Variants in NCLN observed in about 807,000 individuals in gnomAD.
NCLN encodes nicalin, also known as BOS complex subunit NCLN.
NCLN carries 34 observed loss-of-function variants against 69.5 expected under a neutral mutation model. The observed-to-expected ratio is 0.49, with a 90% CI of 0.37 to 0.65. The LOEUF (loss-of-function observed/expected upper bound fraction) is 0.65. Among genes scored for constraint, NCLN ranks in the 30% least tolerant of loss-of-function variants. The pLI, the probability that NCLN is intolerant of heterozygous loss-of-function variation, is 0.00. For missense variants in NCLN, 710 were observed against 804.8 expected (o/e 0.88, Z 1.42); for synonymous variants, 393 against 358.3 (o/e 1.10, Z -1.09).
chr19:3,187,948 G>A (rs1284891291), intron 1 of NCLN, among the ~76,000 whole-genome samples: 2 of 152,150 alleles, frequency 1.3e-5, no homozygotes, highest in African/African-American at 4.8e-5. Flanking sequence ...TGGCACAGGA[G>A]CCAGCAGCCA....
intron 1 of NCLN, among the ~76,000 whole-genome samples, chr19:3,189,615 C>T (rs763142993): frequency 2.0e-5 from 3 of 152,258 alleles, no homozygotes; most frequent in Non-Finnish European, 4.4e-5. Flanking sequence ...CGGTGCCCTC[C>T]ATGGCGTCCA....
Position 3,201,612 on chromosome 19 carries a change from G to T in NCLN, c.786G>T (p.Lys262Asn). The T allele has an allele frequency of 6.5e-7, 1 of 1,548,566 alleles. No individual in the cohort carries two copies. Residue 262 changes from lysine (K) to asparagine (N), a missense_variant, in exon 6 of 15, where the codon AAG becomes AAT. Lys to Asn is a moderately conservative substitution (Grantham distance 94). Transcript: ENST00000246117. Reference sequence around the variant, plus strand: ...TCTTCTCCCGGCTCTACACCTACAAGCGCACGCACGCCGCGTGAGTGCCGG... The same window carrying T: ...TCTTCTCCCGGCTCTACACCTACAATCGCACGCACGCCGCGTGAGTGCCGG... ...ARLFSRLYTY[K>N]RTHAAYNLLF...
chr19:3,197,645 A>T (rs936854029), intron 4 of NCLN, among the ~76,000 whole-genome samples: 6 of 107,940 alleles, frequency 5.6e-5, no homozygotes, highest in African/African-American at 2.2e-4. Context: ...TTTGAGATGG[A>T]GTTTCGCTCC....
chr19:3,193,514 G>A, intron 3 of NCLN, 86 bp downstream of exon 3: 2 of 1,424,576 alleles, frequency 1.4e-6, no homozygotes, highest in Non-Finnish European at 1.9e-6. Context: ...ACCCTGGGCT[G>A]TTTCTGCTCT....
chr19:3,193,181 A>G, intron 2 of NCLN, 103 bp from the exon 3 acceptor site: 1 of 1,127,798 alleles, frequency 8.9e-7, no homozygotes, highest in East Asian at 2.5e-5. Flanking sequence ...AGGGACAGTC[A>G]CTGGGCCCCC....
rs373476781 is a variant in NCLN, at chr19:3,190,585, G to A, written c.185-1885G>A. ...GCAGGCCCCGGGAAGAGCTGCGTCT[G>A]TGGGGAGATGAGAGAATGAGGGTCC... is the stretch of plus-strand genomic sequence containing the variant. On this transcript the variant is annotated intron_variant, in intron 1 of 14. Transcript: ENST00000246117. Among the ~76,000 whole-genome samples, 8 of 152,322 alleles carry A rather than the reference G, an allele frequency of 5.3e-5. No homozygotes were observed. In the East Asian group the frequency reaches 1.4e-3, roughly 26 times the overall value.
rs774124529 is a variant in NCLN at position 3,207,774 on chromosome 19, C to T, written c.*86C>T. On this transcript the variant is annotated 3_prime_UTR_variant, in exon 15 of 15. Coordinates refer to ENST00000246117, the MANE Select transcript of NCLN (RefSeq NM_020170.4). ...TGAGTGGACACTGCCCCGCCGCGGG[C>T]GGCCCTGCAGGGACAGGGGCCCTCT... The T allele has an allele frequency of 4.1e-4, 521 of 1,267,384 alleles. No individual in the cohort carries two copies. The highest frequency in any genetic ancestry group is 5.7e-4 in the Non-Finnish European group (502 of 875,586). The allele number at this position is 1,267,384 out of a possible 1,614,324, so 78.5% of individuals were successfully genotyped here. A position where few individuals can be genotyped will look rare whatever the true frequency, so the allele number is the denominator to read the frequency against.
At chr19:3,198,384 G>A (rs1479244873) in intron 4 of NCLN, among the ~76,000 whole-genome samples, 2 of 151,918 alleles carry the variant, frequency 1.3e-5, no homozygotes, top group African/African-American at 4.8e-5. Flanking sequence ...GCGGGTGCCT[G>A]TAGTCCCAAC....
At chr19:3,200,248 G>A (rs1916090670) in intron 5 of NCLN, among the ~76,000 whole-genome samples, 1 of 149,768 alleles carries the variant, frequency 6.7e-6, no homozygotes, top group Non-Finnish European at 1.5e-5. Context: ...CGCGCCCACT[G>A]CCTTTCTCTG....
In NCLN at chr19:3,208,321, C is replaced by G. The variant is rs900954583; in HGVS notation, c.*633C>G. 2.6e-5 allele frequency: 4 copies of G among 152,332 alleles called. No individual in the cohort carries two copies. The highest frequency in any genetic ancestry group is 9.6e-5 in the African/African-American group (4 of 41,466). The allele number at this position is 152,332 out of a possible 1,614,324, so 9.4% of individuals were successfully genotyped here. A position where few individuals can be genotyped will look rare whatever the true frequency, so the allele number is the denominator to read the frequency against. ...CGGGGAGCTGCATCACCCAGCCTTC[C>G]CCTTCTCCGACTGCAGGGTCTGATG... On this transcript the variant is annotated 3_prime_UTR_variant, in exon 15 of 15. Transcript: ENST00000246117.
In NCLN at chr19:3,204,020, A is replaced by C; in HGVS notation, c.905A>C (p.Gln302Pro). 1 of 1,573,372 alleles carries C rather than the reference A, an allele frequency of 6.4e-7. No homozygotes were observed. Among genetic ancestry groups the C allele is most frequent in the Non-Finnish European group, 8.6e-7 (1 of 1,159,406 alleles). Residue 302 changes from glutamine (Q) to proline (P), a missense_variant, in exon 8 of 15, where the codon CAG becomes CCG. Coordinates refer to ENST00000246117, the MANE Select transcript of NCLN (RefSeq NM_020170.4). ...TGTCCTGCAGACTCCAGCCTGCTTC[A>C]GGACAATGTGGCCTTCGTGCTGTGC... ...NLDHTDSSLL[Q>P]DNVAFVLCLD...
At chr19:3,203,390 G>A (rs894528660) in intron 6 of NCLN, among the ~76,000 whole-genome samples, 1 of 152,074 alleles carries the variant, frequency 6.6e-6, no homozygotes. Flanking sequence ...TTGCCTGGTC[G>A]GTCACCCCGG....
chr19:3,193,949 G>A (rs372130142), intron 3 of NCLN, among the ~76,000 whole-genome samples: 1 of 152,226 alleles, frequency 6.6e-6, no homozygotes, highest in Non-Finnish European at 1.5e-5. Flanking sequence ...GGGAGTTGCC[G>A]CTGTGGAGAG....
At chr19:3,194,350 T>G (rs1034024090) in intron 3 of NCLN, among the ~76,000 whole-genome samples, 1 of 151,960 alleles carries the variant, frequency 6.6e-6, no homozygotes. Context: ...ACCATTGCAC[T>G]CCAGCCTGGG....
rs1394575564 is a variant in NCLN at position 3,207,469 on chromosome 19, G to C, written c.1632G>C (p.Gln544His). 6.2e-7 allele frequency: 1 copy of C among 1,612,648 alleles called. No homozygotes were observed. Among genetic ancestry groups the C allele is most frequent in the Non-Finnish European group, 8.5e-7 (1 of 1,179,958 alleles). ...TCGGCATGGCCTACGTGGCTGTCCA[G>C]GTGAGCAGTGCCCAGGCTCAGGTGG... ...AYLGMAYVAVQHFSLLYKTVQ... is the reference protein window; with the variant it reads ...AYLGMAYVAVHHFSLLYKTVQ... Residue 544 changes from glutamine (Q) to histidine (H), a missense_variant and splice_region_variant, in exon 14 of 15, where the codon CAG (glutamine) becomes CAC (histidine). By Grantham distance (24) the Gln-to-His change is conservative. Coordinates refer to ENST00000246117, the MANE Select transcript of NCLN (RefSeq NM_020170.4).
chr19:3,201,323 G>A (rs1030329743), intron 5 of NCLN, among the ~76,000 whole-genome samples, 200 bp from the exon 6 acceptor site: 6 of 152,180 alleles, frequency 3.9e-5, no homozygotes, highest in Non-Finnish European at 7.4e-5. Context: ...GGAGGGGAGC[G>A]ACCACAGCTG....
chr19:3,198,792 C>A (rs369538870), intron 4 of NCLN, 25 bp from the exon 5 acceptor site: 1 of 1,567,684 alleles, frequency 6.4e-7, no homozygotes, highest in Non-Finnish European at 8.6e-7. Context: ...AACAGCCAGG[C>A]CATTCCCCTG....
chr19:3,189,809 C>CTTGCCA (rs538932706), intron 1 of NCLN, among the ~76,000 whole-genome samples: 2,128 of 152,358 alleles, frequency 0.014, 33 homozygotes, highest in Non-Finnish European at 0.02. Context: ...ACAGAGAGCC[C>CTTGCCA]TTGCCATTGG....
At chr19:3,187,471 C>T (rs546057591) in intron 1 of NCLN, among the ~76,000 whole-genome samples, 108 of 152,332 alleles carry the variant, frequency 7.1e-4, no homozygotes, top group African/African-American at 2.5e-3. Flanking sequence ...ACCTGAGGCG[C>T]GGGGACCCCC....
Sources: allele counts gnomAD v4.1 joint callset (sites outside exome capture counted in the v4.1 genomes callset), GRCh38; gene constraint gnomAD v4.1.1; transcripts MANE v1.5; gene names NCBI Gene and HGNC (gene_info 2026-07-23, HGNC 2026-07-21).